Variants in CLEC16A observed in about 807,000 individuals in gnomAD.
CLEC16A encodes the protein C-type lectin domain containing 16A.
A neutral mutation model predicts 109.5 loss-of-function variants in CLEC16A; 51 were observed. That is an observed-to-expected ratio of 0.47 (90% confidence interval 0.37 to 0.59). CLEC16A has a LOEUF of 0.59. Ranked by LOEUF, CLEC16A falls within the 20% of genes least tolerant of loss-of-function variation. CLEC16A has a pLI of 0.00. For missense variants in CLEC16A, 1,339 were observed against 1,394.0 expected (o/e 0.96, Z 0.63); for synonymous variants, 673 against 564.2 (o/e 1.19, Z -2.73).
At chr16:11,122,872 C>T (rs1043493439) in intron 20 of CLEC16A, among the ~76,000 whole-genome samples, 2 of 149,198 alleles carry the variant, frequency 1.3e-5, no homozygotes, top group Non-Finnish European at 3.0e-5. Flanking sequence ...CAAATCTCTG[C>T]TCAATGACCT....
intron 16 of CLEC16A, among the ~76,000 whole-genome samples, chr16:11,046,559 G>T (rs2047644151): frequency 6.6e-6 from 1 of 152,188 alleles, no homozygotes; most frequent in East Asian, 1.9e-4. Context: ...TACCATGACA[G>T]TGAGTGCTCA....
intron 9 of CLEC16A, 82 bp from the exon 10 acceptor site, chr16:10,982,796 C>G (rs1301486158): frequency 1.3e-5 from 10 of 770,406 alleles, no homozygotes; most frequent in Non-Finnish European, 2.0e-5. Context: ...GTAGCCCAGC[C>G]TGGTCGCTTC....
intron 19 of CLEC16A, among the ~76,000 whole-genome samples, chr16:11,096,956 A>C (rs1409082257): frequency 6.6e-6 from 1 of 152,218 alleles, no homozygotes; most frequent in East Asian, 1.9e-4. Context: ...ATGGTCAGGA[A>C]ATGACTAAAG....
At chr16:10,964,714 A>C (rs1283156142) in intron 3 of CLEC16A, among the ~76,000 whole-genome samples, 1 of 152,106 alleles carries the variant, frequency 6.6e-6, no homozygotes, top group Admixed American at 6.5e-5. Context: ...CGGCTTTTAG[A>C]GTGTTTCTCT....
At chr16:10,945,205 T>G (rs537416772) in intron 1 of CLEC16A, among the ~76,000 whole-genome samples, 52 of 152,326 alleles carry the variant, frequency 3.4e-4, no homozygotes, top group African/African-American at 1.2e-3. Context: ...TGTGTGAATG[T>G]AGGCCTCAGG....
chr16:11,175,383 C>G (rs1299240692), intron 23 of CLEC16A, among the ~76,000 whole-genome samples: 1 of 152,230 alleles, frequency 6.6e-6, no homozygotes, highest in East Asian at 1.9e-4. Flanking sequence ...CTCCAAATCC[C>G]TCATTTCCTG....
chr16:11,050,066 T>C (rs1413223435), intron 17 of CLEC16A, among the ~76,000 whole-genome samples: 8 of 152,126 alleles, frequency 5.3e-5, no homozygotes, highest in African/African-American at 1.9e-4. Flanking sequence ...TTTCTTACAG[T>C]TCTAGAGGCT....
chr16:11,092,934 T>G (rs1052172003), intron 19 of CLEC16A, among the ~76,000 whole-genome samples: 1 of 152,224 alleles, frequency 6.6e-6, no homozygotes, highest in Non-Finnish European at 1.5e-5. Context: ...CTGTCCCCAG[T>G]CTAGTGGGAG....
chr16:11,167,864 G>GC (rs756538393), intron 23 of CLEC16A, among the ~76,000 whole-genome samples: 3 of 152,204 alleles, frequency 2.0e-5, no homozygotes, highest in Admixed American at 1.3e-4. Flanking sequence ...GGAAACTCCA[G>GC]CAGAGCTTCT....
rs1596926204 is a variant in CLEC16A at position 10,990,738 on chromosome 16, C to T, written c.1071+7747C>T. Among the ~76,000 whole-genome samples, 3 of 152,340 alleles carry T rather than the reference C, an allele frequency of 2.0e-5. No homozygotes were observed. The Middle Eastern group carries it at 0.01, about 518-fold the overall frequency. On this transcript the variant is annotated intron_variant, in intron 10 of 23. Transcript: ENST00000409790. ...GGGGCAGCCACAAGGCTGGAGGCAG[C>T]TCCATGTAGAATGGGGACCTTTTCT... is the stretch of plus-strand genomic sequence containing the variant.
At chr16:11,109,778 T>G (rs2051459402) in intron 19 of CLEC16A, among the ~76,000 whole-genome samples, 1 of 152,186 alleles carries the variant, frequency 6.6e-6, no homozygotes, top group Admixed American at 6.5e-5. Context: ...GGATCAGTGT[T>G]CCCTGTTCCT....
intron 19 of CLEC16A, among the ~76,000 whole-genome samples, chr16:11,081,844 A>G (rs1243593240): frequency 6.6e-6 from 1 of 152,202 alleles, no homozygotes; most frequent in East Asian, 1.9e-4. Context: ...GAAATGAAAT[A>G]AATGTGCCTT....
At chr16:11,073,128 G>T (rs1281309982) in intron 19 of CLEC16A, among the ~76,000 whole-genome samples, 1 of 152,206 alleles carries the variant, frequency 6.6e-6, no homozygotes, top group African/African-American at 2.4e-5. Context: ...AACCCAAGAG[G>T]CAAGTATGTA....
intron 13 of CLEC16A, among the ~76,000 whole-genome samples, chr16:11,030,950 T>C (rs1323858463): frequency 6.6e-6 from 1 of 152,258 alleles, no homozygotes; most frequent in Non-Finnish European, 1.5e-5. Flanking sequence ...CAGAGGCATT[T>C]AGCAATGATT....
At chr16:11,126,184 T>C (rs1001688917) in intron 22 of CLEC16A, 38 bp downstream of exon 22, 26 of 1,612,936 alleles carry the variant, frequency 1.6e-5, no homozygotes, top group African/African-American at 2.7e-5. Flanking sequence ...AGCTCGTTCA[T>C]CATGGTGGGC....
In CLEC16A at chr16:10,944,779, A is replaced by C; in HGVS notation, c.62A>C (p.His21Pro). 1 of 1,608,584 alleles carries C rather than the reference A, an allele frequency of 6.2e-7. No homozygotes were observed. Among genetic ancestry groups the C allele is most frequent in the Non-Finnish European group, 8.5e-7 (1 of 1,178,410 alleles). ...CATGGCAAGACTTCCCGCAACATCC[A>C]CTCCTTGGACCACCTCAAGTGAGTG... ...GGHGKTSRNI[H>P]SLDHLKYLYH... Residue 21 changes from histidine to proline, a missense_variant, in exon 1 of 24, where the codon CAC becomes CCC. Coordinates refer to ENST00000409790, the MANE Select transcript of CLEC16A (RefSeq NM_015226.3).
At chr16:11,084,099 A>AC (rs1279664872) in intron 19 of CLEC16A, among the ~76,000 whole-genome samples, 1 of 151,464 alleles carries the variant, frequency 6.6e-6, no homozygotes, top group Non-Finnish European at 1.5e-5. Context: ...TACCCATACC[A>AC]CCCCTTTTAG....
At chr16:10,949,569 G>C (rs940637583) in intron 1 of CLEC16A, among the ~76,000 whole-genome samples, 3 of 148,502 alleles carry the variant, frequency 2.0e-5, no homozygotes, top group South Asian at 2.2e-4. Context: ...TGGGTGAAGA[G>C]GAAGTGAGGA....
chr16:11,160,829 A>G (rs1555503925), intron 22 of CLEC16A, among the ~76,000 whole-genome samples: 2 of 152,222 alleles, frequency 1.3e-5, no homozygotes, highest in African/African-American at 2.4e-5. Context: ...TGTGTGATTC[A>G]TCCTCATAGC....
Sources: allele counts gnomAD v4.1 joint callset (sites outside exome capture counted in the v4.1 genomes callset), GRCh38; gene constraint gnomAD v4.1.1; transcripts MANE v1.5; gene names NCBI Gene and HGNC (gene_info 2026-07-23, HGNC 2026-07-21).